PHACTR1: variants seen among roughly 807,000 people sequenced by gnomAD.
The protein encoded by PHACTR1 is phosphatase and actin regulator 1, also known as RPEL repeat containing 1.
In PHACTR1, 16 loss-of-function variants were observed where a neutral mutation model predicts 69.2. The ratio of observed to expected loss-of-function variants is 0.23; its 90% CI spans 0.16 to 0.35. The LOEUF (loss-of-function observed/expected upper bound fraction) is 0.35, where lower values mean the gene tolerates loss of function less well. Among genes scored for constraint, PHACTR1 ranks in the 10% least tolerant of loss-of-function variants. The pLI, the probability that PHACTR1 is intolerant of heterozygous loss-of-function variation, is 1.00. For synonymous variants in PHACTR1, 312 were observed against 284.5 expected (o/e 1.10, Z -0.97); for missense variants, 510 against 734.7 (o/e 0.69, Z 3.54).
intron 4 of PHACTR1, among the ~76,000 whole-genome samples, chr6:12,944,777 AT>A (rs757721726): frequency 3.7e-5 from 5 of 135,764 alleles, no homozygotes; most frequent in African/African-American, 1.4e-4. Flanking sequence ...TTATTTATTT[AT>A]TTTTATTTAT....
At chr6:13,062,579 CTGATGG>C (rs993674627) in intron 5 of PHACTR1, among the ~76,000 whole-genome samples, 1 of 152,156 alleles carries the variant, frequency 6.6e-6, no homozygotes, top group Non-Finnish European at 1.5e-5. Flanking sequence ...GCCTTTGGAC[CTGATGG>C]TGATAGGCTT....
intron 4 of PHACTR1, among the ~76,000 whole-genome samples, chr6:12,750,492 TAGGGAAGAAAAGAAGGAAGG>T (rs1766471360): frequency 7.8e-6 from 1 of 128,966 alleles, no homozygotes; most frequent in Non-Finnish European, 1.6e-5. Context: ...AGTGGGGCGC[TAGGGAAGAAAAGAAGGAAGG>T]AGGGAAGGAA....
At chr6:13,150,713 G>A (rs1490246387) in intron 5 of PHACTR1, among the ~76,000 whole-genome samples, 2 of 151,828 alleles carry the variant, frequency 1.3e-5, no homozygotes, top group African/African-American at 2.4e-5. Flanking sequence ...ACTGATATTT[G>A]CCACCTGGTC....
intron 4 of PHACTR1, among the ~76,000 whole-genome samples, chr6:12,987,914 GA>G (rs1301052929): frequency 6.6e-6 from 1 of 152,168 alleles, no homozygotes; most frequent in Non-Finnish European, 1.5e-5. Context: ...TCCCCACTAT[GA>G]CTGCATGGAT....
intron 8 of PHACTR1, among the ~76,000 whole-genome samples, chr6:13,218,900 AGAGAAGAG>A (rs1768159710): frequency 1.6e-5 from 1 of 64,138 alleles, no homozygotes. Flanking sequence ...AGAGAAGAGA[AGAGAAGAG>A]AAGAGAAAAG....
At chr6:12,753,970 A>ATATATATATT (rs1490045072) in intron 4 of PHACTR1, among the ~76,000 whole-genome samples, 11 of 134,494 alleles carry the variant, frequency 8.2e-5, no homozygotes, top group African/African-American at 3.1e-4. Context: ...ATATATATAT[A>ATATATATATT]TTTTTTTTTT....
intron 4 of PHACTR1, among the ~76,000 whole-genome samples, chr6:12,765,820 T>G (rs1768541373): frequency 6.6e-6 from 1 of 152,230 alleles, no homozygotes; most frequent in Non-Finnish European, 1.5e-5. Context: ...TACATACCAT[T>G]AGCTTTTCCT....
At chr6:13,083,570 C>G (rs1271669516) in intron 5 of PHACTR1, among the ~76,000 whole-genome samples, 46 of 151,942 alleles carry the variant, frequency 3.0e-4, no homozygotes, top group African/African-American at 1.1e-3. Flanking sequence ...ATTCTTCCTA[C>G]CCATGAGCAT....
At chr6:13,059,572 G>A (rs1360396247) in intron 5 of PHACTR1, among the ~76,000 whole-genome samples, 3 of 151,998 alleles carry the variant, frequency 2.0e-5, no homozygotes. Context: ...ATGATATCAT[G>A]GTTGTATGCA....
At chr6:12,969,311 TA>T (rs1793879350) in intron 4 of PHACTR1, among the ~76,000 whole-genome samples, 1 of 152,238 alleles carries the variant, frequency 6.6e-6, no homozygotes, top group Admixed American at 6.5e-5. Context: ...ACTTCTCTAG[TA>T]AAAGCCTTAA....
At chr6:12,955,241 C>G (rs939418611) in intron 4 of PHACTR1, among the ~76,000 whole-genome samples, 2 of 129,052 alleles carry the variant, frequency 1.5e-5, no homozygotes, top group African/African-American at 7.3e-5. Flanking sequence ...CTTTGTTGCC[C>G]AGGCTGGAGT....
intron 4 of PHACTR1, among the ~76,000 whole-genome samples, chr6:12,787,756 A>G (rs769296025): frequency 8.1e-4 from 124 of 152,216 alleles, no homozygotes; most frequent in Non-Finnish European, 1.4e-3. Context: ...GCCTCTCAGG[A>G]TGAGTACGGT....
chr6:12,790,316 AC>A (rs532842457), intron 4 of PHACTR1, among the ~76,000 whole-genome samples: 564 of 152,042 alleles, frequency 3.7e-3, no homozygotes, highest in African/African-American at 0.012. Flanking sequence ...GGCCACAATG[AC>A]CTGTTTCCTT....
At chr6:12,802,098 T>TACA (rs1773770981) in intron 4 of PHACTR1, among the ~76,000 whole-genome samples, 1 of 143,618 alleles carries the variant, frequency 7.0e-6, no homozygotes, top group African/African-American at 2.5e-5. Context: ...TATAAAATAA[T>TACA]TTTATTTTAT....
At chr6:13,089,905 T>C (rs144548362) in intron 5 of PHACTR1, among the ~76,000 whole-genome samples, 1 of 152,320 alleles carries the variant, frequency 6.6e-6, no homozygotes, top group East Asian at 1.9e-4. Context: ...TTTGTCCTCC[T>C]TGTGACATAA....
At chr6:12,721,598 T>C (rs1762133359) in intron 3 of PHACTR1, among the ~76,000 whole-genome samples, 1 of 152,214 alleles carries the variant, frequency 6.6e-6, no homozygotes, top group Non-Finnish European at 1.5e-5. Context: ...TGTCTTGTCC[T>C]TCATTTCACT....
chr6:12,880,371 G>T (rs968840849), intron 4 of PHACTR1, among the ~76,000 whole-genome samples: 9 of 151,872 alleles, frequency 5.9e-5, no homozygotes, highest in African/African-American at 2.2e-4. Flanking sequence ...AGAACTACAG[G>T]ACCTTTGTGT....
At chr6:12,852,872 A>T (rs1027832676) in intron 4 of PHACTR1, among the ~76,000 whole-genome samples, 1 of 152,232 alleles carries the variant, frequency 6.6e-6, no homozygotes, top group Non-Finnish European at 1.5e-5. Context: ...TTATCCAAGC[A>T]TGCTGAAATC....
At chr6:12,733,432 A>C (rs999361627) in intron 3 of PHACTR1, among the ~76,000 whole-genome samples, 4 of 152,208 alleles carry the variant, frequency 2.6e-5, no homozygotes, top group African/African-American at 7.2e-5. Context: ...GAATGATCAA[A>C]AACTGACCGA....
Sources: allele counts gnomAD v4.1 joint callset (sites outside exome capture counted in the v4.1 genomes callset), GRCh38; gene constraint gnomAD v4.1.1; transcripts MANE v1.5; gene names NCBI Gene and HGNC (gene_info 2026-07-23, HGNC 2026-07-21).